Variants in RBFOX1 observed in about 807,000 individuals in gnomAD.
The protein encoded by RBFOX1 is RNA binding protein fox-1 homolog 1.
A neutral mutation model predicts 57.7 loss-of-function variants in RBFOX1; 8 were observed. That is an observed-to-expected ratio of 0.14 (90% CI 0.08 to 0.25). The LOEUF (loss-of-function observed/expected upper bound fraction) is 0.25, where lower values mean the gene tolerates loss of function less well. Ranked by LOEUF, RBFOX1 falls within the 10% of genes least tolerant of loss-of-function variation. The pLI, the probability that RBFOX1 is intolerant of heterozygous loss-of-function variation, is 1.00. For synonymous variants in RBFOX1, 326 were observed against 222.4 expected (o/e 1.47, Z -4.15); for missense variants, 611 against 548.5 (o/e 1.11, Z -1.14).
chr16:7,217,068 C>T (rs1482011115), intron 4 of RBFOX1, among the ~76,000 whole-genome samples: 1 of 131,868 alleles, frequency 7.6e-6, no homozygotes, highest in African/African-American at 2.8e-5. Flanking sequence ...TCTCCCTCTC[C>T]TTTCCCTCTC....
intron 3 of RBFOX1, among the ~76,000 whole-genome samples, chr16:6,975,630 C>A (rs1436637074): frequency 6.6e-6 from 1 of 152,150 alleles, no homozygotes; most frequent in African/African-American, 2.4e-5. Context: ...TCCCACTTGA[C>A]AGATGAAAAG....
At chr16:6,424,546 A>T (rs1161961671) in intron 2 of RBFOX1, among the ~76,000 whole-genome samples, 1 of 152,072 alleles carries the variant, frequency 6.6e-6, no homozygotes, top group East Asian at 1.9e-4. Flanking sequence ...TTAAAGAATT[A>T]TCCAACTTCA....
At chr16:5,351,398 T>G (rs111459170) in intron 1 of RBFOX1, among the ~76,000 whole-genome samples, 25 of 152,196 alleles carry the variant, frequency 1.6e-4, no homozygotes, top group African/African-American at 5.8e-4. Flanking sequence ...AGTTAAGTGA[T>G]TAGGGGCACA....
chr16:7,710,677 G>A lies in RBFOX1; in HGVS notation c.1126G>A (p.Gly376Ser). ...GACTAGGAGCCATGCTGATGATGTG[G>A]GTCTCGTTCTTTCTTCATTGCAGGC... ...AKTRSHADDV[G>S]LVLSSLQASI... is the part of the protein sequence containing the mutation. Residue 376 changes from glycine (G) to serine (S), a missense_variant, in exon 16 of 16, where the codon GGT becomes AGT. Gly to Ser is a moderately conservative substitution (Grantham distance 56, BLOSUM62 0). Around this residue, in one of 3 missense-constraint regions of RBFOX1, gnomAD observed 267 missense variants for 229.1 expected, o/e 1.17. Coordinates refer to ENST00000550418, the MANE Select transcript of RBFOX1 (RefSeq NM_018723.4). The A allele has an allele frequency of 6.2e-7, 1 of 1,613,464 alleles. No individual in the cohort carries two copies. Among genetic ancestry groups the A allele is most frequent in the Non-Finnish European group, 8.5e-7 (1 of 1,179,664 alleles).
intron 1 of RBFOX1, among the ~76,000 whole-genome samples, chr16:5,408,433 A>T (rs904494473): frequency 3.3e-5 from 5 of 152,170 alleles, no homozygotes; most frequent in African/African-American, 1.2e-4. Context: ...AGTCTGAGCT[A>T]TTCAGAGGCC....
chr16:7,084,914 C>T (rs2059755714), intron 4 of RBFOX1, among the ~76,000 whole-genome samples: 2 of 152,126 alleles, frequency 1.3e-5, no homozygotes, highest in South Asian at 2.1e-4. Context: ...AGCCATTCAG[C>T]CATCCATCCA....
At chr16:6,369,675 A>C (rs2090153138) in intron 2 of RBFOX1, among the ~76,000 whole-genome samples, 1 of 152,116 alleles carries the variant, frequency 6.6e-6, no homozygotes, top group Non-Finnish European at 1.5e-5. Flanking sequence ...ACCTCATGTA[A>C]AGTTTTTCAC....
chr16:5,545,631 A>C (rs2045162617), intron 2 of RBFOX1, among the ~76,000 whole-genome samples: 1 of 152,136 alleles, frequency 6.6e-6, no homozygotes, highest in South Asian at 2.1e-4. Flanking sequence ...ATACAGAAAA[A>C]CGTAAGAATT....
intron 4 of RBFOX1, among the ~76,000 whole-genome samples, chr16:7,160,140 G>C (rs8060221): frequency 0.89 from 136,148 of 152,152 alleles, 61,039 homozygotes; most frequent in East Asian, 1. Context: ...ATTTTCAATT[G>C]TTTCAAAGGA....
rs1234627865 is a variant in RBFOX1, at chr16:7,005,817, A to G, written c.-15-46240A>G. 2.0e-5 allele frequency among the ~76,000 whole-genome samples: 3 copies of G among 152,166 alleles called. No individual in the cohort carries two copies. The East Asian group carries it at 5.8e-4, about 29-fold the overall frequency. On this transcript the variant is annotated intron_variant, in intron 3 of 15. Transcript: ENST00000550418. Reference sequence around the variant, plus strand: ...TCATCTTCTTTTTCTGGCTCACATGAGTGACTGCTGCTTCTTCACCGACTA... The same window carrying G: ...TCATCTTCTTTTTCTGGCTCACATGGGTGACTGCTGCTTCTTCACCGACTA...
chr16:7,654,000 A>C (rs1221053232), intron 12 of RBFOX1, 53 bp downstream of exon 12: 13 of 1,440,238 alleles, frequency 9.0e-6, no homozygotes, highest in Non-Finnish European at 1.2e-5. Context: ...CTCCCTCCCC[A>C]GAGGCACGGA....
intron 3 of RBFOX1, among the ~76,000 whole-genome samples, chr16:6,850,323 T>C (rs1374646587): frequency 1.3e-5 from 2 of 152,190 alleles, no homozygotes; most frequent in Non-Finnish European, 2.9e-5. Flanking sequence ...AAGAATAAAC[T>C]ACGTTGTTCT....
chr16:6,928,896 C>G (rs2076068202), intron 3 of RBFOX1, among the ~76,000 whole-genome samples: 1 of 152,160 alleles, frequency 6.6e-6, no homozygotes, highest in African/African-American at 2.4e-5. Context: ...GAAATGGAGC[C>G]CAGTAGAGCA....
intron 3 of RBFOX1, among the ~76,000 whole-genome samples, chr16:5,769,217 G>T (rs1431242660): frequency 6.6e-6 from 1 of 152,026 alleles, no homozygotes; most frequent in African/African-American, 2.4e-5. Flanking sequence ...AAATTCATAC[G>T]GTGAAGTCCT....
At chr16:5,357,091 C>G (rs530974531) in intron 1 of RBFOX1, among the ~76,000 whole-genome samples, 5 of 152,286 alleles carry the variant, frequency 3.3e-5, no homozygotes, top group Non-Finnish European at 5.9e-5. Context: ...TGGTGCTGCT[C>G]TTAACTGGCA....
chr16:7,276,532 A>T (rs1031250423), intron 4 of RBFOX1, among the ~76,000 whole-genome samples: 3 of 152,124 alleles, frequency 2.0e-5, no homozygotes, highest in African/African-American at 7.2e-5. Flanking sequence ...AAATCTAAGT[A>T]GGAGGCTTCT....
At chr16:7,704,343 T>G (rs1200467221) in intron 14 of RBFOX1, among the ~76,000 whole-genome samples, 1 of 152,232 alleles carries the variant, frequency 6.6e-6, no homozygotes, top group African/African-American at 2.4e-5. Context: ...ATGAGTTTTA[T>G]GGCAACTTGG....
intron 4 of RBFOX1, among the ~76,000 whole-genome samples, chr16:7,138,425 T>A (rs1344368766): frequency 1.3e-5 from 2 of 152,138 alleles, no homozygotes; most frequent in South Asian, 4.2e-4. Flanking sequence ...ATTTCCTTAT[T>A]GGCAACGTGG....
chr16:6,857,767 G>C (rs561469027), intron 3 of RBFOX1, among the ~76,000 whole-genome samples: 63 of 152,242 alleles, frequency 4.1e-4, no homozygotes, highest in African/African-American at 1.4e-3. Context: ...TGCGAATTTT[G>C]TTCTGTCAGC....
Sources: gnomAD v4.1 joint callset for allele counts (sites outside exome capture counted in the v4.1 genomes callset) on GRCh38, gnomAD v4.1.1 for gene constraint, gnomAD v4.1.1 regional missense constraint, MANE v1.5 for transcripts, NCBI Gene and HGNC (gene_info 2026-07-23, HGNC 2026-07-21) for gene names.